CCDC192: variants seen among roughly 807,000 people sequenced by gnomAD.
The protein encoded by CCDC192 is coiled-coil domain containing 192, also known as coiled-coil domain-containing protein 192.
chr5:127,911,699 CTTTT>C (rs10718531), intron 6 of CCDC192, among the ~76,000 whole-genome samples: 5 of 117,310 alleles, frequency 4.3e-5, no homozygotes, highest in Middle Eastern at 4.2e-3. Flanking sequence ...CCTTATACCA[CTTTT>C]TTTTTTTTTT....
chr5:127,778,929 A>T (rs1276661253), intron 3 of CCDC192, among the ~76,000 whole-genome samples: 3 of 151,792 alleles, frequency 2.0e-5, no homozygotes, highest in Non-Finnish European at 2.9e-5. Context: ...AGTATCTTAT[A>T]ATCCTTTTAT....
intron 6 of CCDC192, among the ~76,000 whole-genome samples, chr5:127,917,467 C>T (rs915728629): frequency 1.3e-5 from 2 of 152,212 alleles, no homozygotes; most frequent in Non-Finnish European, 2.9e-5. Context: ...TAAGCTTAAT[C>T]TTTTCTAGCT....
intron 5 of CCDC192, among the ~76,000 whole-genome samples, chr5:127,821,583 C>T (rs1001957611): frequency 2.0e-5 from 3 of 152,172 alleles, no homozygotes; most frequent in Non-Finnish European, 2.9e-5. Context: ...CTCCATTTTA[C>T]CAATGTTGAA....
At chr5:127,760,201 T>G (rs905870734) in intron 3 of CCDC192, among the ~76,000 whole-genome samples, 3 of 151,670 alleles carry the variant, frequency 2.0e-5, no homozygotes, top group Admixed American at 2.0e-4. Flanking sequence ...GAAGTGATGA[T>G]ACCAGCCCTT....
rs147272680 is a variant in CCDC192, at chr5:127,863,898, G to C, written c.412-11640G>C. 2.2e-3 allele frequency among the ~76,000 whole-genome samples: 331 copies of C among 152,254 alleles called. 1 individual carries two copies. Among genetic ancestry groups the C allele is most frequent in the African/African-American group, 7.6e-3 (316 of 41,538 alleles). On this transcript the variant is annotated intron_variant, in intron 5 of 6. Transcript: ENST00000514853. Reference sequence around the variant, plus strand: ...AAATTAAGGAGCATATTATTCATCTGTTTGTTCTTTTAAACAGTCAAAATA... The same window carrying C: ...AAATTAAGGAGCATATTATTCATCTCTTTGTTCTTTTAAACAGTCAAAATA...
intron 6 of CCDC192, among the ~76,000 whole-genome samples, chr5:127,913,108 A>G (rs930978379): frequency 1.3e-5 from 2 of 152,240 alleles, no homozygotes; most frequent in African/African-American, 2.4e-5. Flanking sequence ...GGGGTCAAGC[A>G]GATATGAACT....
chr5:127,748,773 T>C (rs1753940876), intron 2 of CCDC192, among the ~76,000 whole-genome samples: 1 of 145,996 alleles, frequency 6.8e-6, no homozygotes, highest in African/African-American at 2.5e-5. Context: ...TTGTATCCTC[T>C]TTTATTTCCT....
chr5:127,890,993 C>G (rs964340681), intron 6 of CCDC192, among the ~76,000 whole-genome samples: 1 of 152,158 alleles, frequency 6.6e-6, no homozygotes, highest in African/African-American at 2.4e-5. Flanking sequence ...TCTGTACCCT[C>G]ACACTTCTCT....
intron 6 of CCDC192, among the ~76,000 whole-genome samples, chr5:127,891,518 C>G (rs1752731826): frequency 1.3e-5 from 2 of 152,150 alleles, no homozygotes. Flanking sequence ...CATTTAAGGT[C>G]TCTCGTTCCA....
rs115622764 is a variant in CCDC192, at chr5:127,846,370, A to G, written c.412-29168A>G. Among the ~76,000 whole-genome samples, 1,470 of 152,226 alleles carry G rather than the reference A, an allele frequency of 9.7e-3. 27 individuals are homozygous for G. Among genetic ancestry groups the G allele is most frequent in the African/African-American group, 0.033 (1,355 of 41,530 alleles). On this transcript the variant is annotated intron_variant, in intron 5 of 6. Coordinates refer to ENST00000514853, the MANE Select transcript of CCDC192 (RefSeq NM_001317938.2). ...TCTCCTTGACCTCTTACAGGCATCT[A>G]AATGTTAAAACTGGACTTATTTTGC... is the stretch of plus-strand genomic sequence containing the variant.
intron 3 of CCDC192, among the ~76,000 whole-genome samples, chr5:127,758,858 T>C (rs1754757325): frequency 6.6e-6 from 1 of 152,196 alleles, no homozygotes; most frequent in South Asian, 2.1e-4. Context: ...GGACTGCTGT[T>C]TATGACCATA....
intron 5 of CCDC192, among the ~76,000 whole-genome samples, chr5:127,831,123 C>T (rs775723410): frequency 1.3e-5 from 2 of 152,092 alleles, no homozygotes; most frequent in Non-Finnish European, 2.9e-5. Flanking sequence ...CATTCTAATT[C>T]CAGTTGAGTT....
intron 6 of CCDC192, among the ~76,000 whole-genome samples, chr5:127,900,812 C>G (rs1276671724): frequency 1.3e-5 from 2 of 152,116 alleles, no homozygotes; most frequent in East Asian, 1.9e-4. Flanking sequence ...ATTAGCTTTT[C>G]TTAAAAATTC....
At chr5:127,712,180 C>G (rs1751377647) in intron 2 of CCDC192, among the ~76,000 whole-genome samples, 1 of 152,156 alleles carries the variant, frequency 6.6e-6, no homozygotes, top group Non-Finnish European at 1.5e-5. Context: ...GTATCAATAA[C>G]TCATTTTTAT....
intron 6 of CCDC192, among the ~76,000 whole-genome samples, chr5:127,927,005 T>C (rs1053744913): frequency 6.6e-6 from 1 of 152,172 alleles, no homozygotes; most frequent in African/African-American, 2.4e-5. Flanking sequence ...AGAGGTCAAG[T>C]AGATGAACTT....
intron 5 of CCDC192, among the ~76,000 whole-genome samples, chr5:127,815,183 G>C (rs536430481): frequency 2.0e-5 from 3 of 152,276 alleles, no homozygotes; most frequent in South Asian, 4.1e-4. Context: ...TTAATAGACT[G>C]TGTGACCTGG....
chr5:127,806,512 T>C (rs958117623), intron 5 of CCDC192, among the ~76,000 whole-genome samples: 3 of 152,208 alleles, frequency 2.0e-5, no homozygotes. Context: ...ACCTATTAGC[T>C]AACCACGCAT....
Position 127,703,831 on chromosome 5 carries a change from C to T in CCDC192, c.62+324C>T, listed in dbSNP as rs1315327229. 2.0e-5 allele frequency among the ~76,000 whole-genome samples: 3 copies of T among 152,144 alleles called. No homozygotes were observed. In the East Asian group the frequency reaches 5.8e-4, roughly 29 times the overall value. ...GGAAGGGGGAGGGTATGAAGCCAGC[C>T]TTCTTTCAGTTGAAAGGAAATGTCA... On this transcript the variant is annotated intron_variant, in intron 1 of 6. Coordinates refer to ENST00000514853, the MANE Select transcript of CCDC192 (RefSeq NM_001317938.2).
chr5:127,716,467 A>T (rs565368945), intron 2 of CCDC192, among the ~76,000 whole-genome samples: 1 of 152,122 alleles, frequency 6.6e-6, no homozygotes, highest in Non-Finnish European at 1.5e-5. Context: ...AATTGATATT[A>T]GTTCTTCTTT....
Sources: allele counts gnomAD v4.1 joint callset (sites outside exome capture counted in the v4.1 genomes callset), GRCh38; gene constraint gnomAD v4.1.1; transcripts MANE v1.5; gene names NCBI Gene and HGNC (gene_info 2026-07-23, HGNC 2026-07-21).